Variants in DHRS3 observed in about 807,000 individuals in gnomAD.
DHRS3 encodes short-chain dehydrogenase/reductase 3.
A neutral mutation model predicts 27.2 loss-of-function variants in DHRS3; 14 were observed. That is an observed-to-expected ratio of 0.52 (90% CI 0.34 to 0.81). The LOEUF (loss-of-function observed/expected upper bound fraction) is 0.81. DHRS3 is among the 30% of genes least tolerant of loss of function. The probability of loss-of-function intolerance (pLI) is 0.01; values close to 1 mark genes in which losing one functional copy is unlikely to be tolerated. For synonymous variants in DHRS3, 165 were observed against 175.9 expected (o/e 0.94, Z 0.49); for missense variants, 322 against 406.2 (o/e 0.79, Z 1.78).
At chr1:12,579,499 G>A in intron 2 of DHRS3, 87 bp from the exon 3 acceptor site, 5 of 1,529,514 alleles carry the variant, frequency 3.3e-6, no homozygotes, top group Non-Finnish European at 4.4e-6. Context: ...TTTTTGAGAT[G>A]GAGTCTCACT....
Position 12,580,625 on chromosome 1 carries a change from C to T in DHRS3, c.237G>A (p.Thr79=), listed in dbSNP as rs149645583. The change falls in exon 2 of 6, where the codon ACG becomes ACA. Residue 79 remains threonine, a synonymous_variant. Transcript: ENST00000616661. ...TGCCCATCTGCCGGATCTCCTCCGTCGTCTCCTTCAGGCATTTCTCAGTCC... is the reference window on the plus strand; with the variant it reads ...TGCCCATCTGCCGGATCTCCTCCGTTGTCTCCTTCAGGCATTTCTCAGTCC... The part of the protein sequence containing the change: ...WGRTEKCLKE[T]TEEIRQMGTE... 5.3e-5 allele frequency: 86 copies of T among 1,614,008 alleles called. No individual in the cohort carries two copies. Among genetic ancestry groups the T allele is most frequent in the African/African-American group, 3.1e-4 (23 of 74,930 alleles).
chr1:12,605,984 C>A (rs1646867800), intron 1 of DHRS3, among the ~76,000 whole-genome samples: 1 of 151,726 alleles, frequency 6.6e-6, no homozygotes, highest in Non-Finnish European at 1.5e-5. Flanking sequence ...ACTAAAAATA[C>A]AAAAATTAGC....
At chr1:12,609,563 C>G (rs1397556914) in intron 1 of DHRS3, among the ~76,000 whole-genome samples, 3 of 152,210 alleles carry the variant, frequency 2.0e-5, no homozygotes, top group African/African-American at 7.2e-5. Flanking sequence ...GACAGCATTC[C>G]CTGAGCTCTG....
chr1:12,569,227 T>TCACACACACACACACACACACA (rs1557509296), intron 5 of DHRS3, among the ~76,000 whole-genome samples: 5 of 135,920 alleles, frequency 3.7e-5, no homozygotes, highest in African/African-American at 1.3e-4. Context: ...CCTCTCTCTC[T>TCACACACACACACACACACACA]CTCTCACACA....
chr1:12,615,033 C>G (rs899090128), intron 1 of DHRS3, among the ~76,000 whole-genome samples: 2 of 152,190 alleles, frequency 1.3e-5, no homozygotes, highest in African/African-American at 4.8e-5. Flanking sequence ...CCCAACCCCA[C>G]TAGGCCTCAA....
intron 3 of DHRS3, 83 bp from the exon 4 acceptor site, chr1:12,579,039 C>T (rs764697417): frequency 5.9e-6 from 8 of 1,356,326 alleles, no homozygotes; most frequent in Non-Finnish European, 8.1e-6. Flanking sequence ...ACAGCCCACC[C>T]CGGACACACA....
At chr1:12,598,515 A>C (rs1646814801) in intron 1 of DHRS3, among the ~76,000 whole-genome samples, 1 of 152,180 alleles carries the variant, frequency 6.6e-6, no homozygotes, top group Admixed American at 6.5e-5. Context: ...AAAATCCTAC[A>C]TTTATTTTTG....
intron 1 of DHRS3, among the ~76,000 whole-genome samples, chr1:12,613,454 CACCGAACAGAT>C (rs1646923504): frequency 2.0e-5 from 3 of 152,204 alleles, no homozygotes; most frequent in Admixed American, 6.5e-5. Context: ...CTGTGCCAAA[CACCGAACAGAT>C]ACCCCAGGTA....
chr1:12,617,120 GC>G, intron 1 of DHRS3, 33 bp downstream of exon 1: 3 of 1,588,496 alleles, frequency 1.9e-6, no homozygotes, highest in Non-Finnish European at 8.6e-7. Context: ...CGCCCCTGCG[GC>G]CCCCCACTCC....
intron 2 of DHRS3, 109 bp downstream of exon 2, chr1:12,580,414 C>T: frequency 6.6e-7 from 1 of 1,524,638 alleles, no homozygotes; most frequent in Admixed American, 1.8e-5. Context: ...CGGGCAAAGC[C>T]ATTCTGCCAT....
Position 12,576,452 on chromosome 1 carries a change from C to T in DHRS3, c.698+2266G>A, listed in dbSNP as rs531835421. Among the ~76,000 whole-genome samples the T allele has an allele frequency of 7.6e-4, 115 of 152,116 alleles. 1 individual carries two copies. The highest frequency in any genetic ancestry group is 2.6e-3 in the African/African-American group (110 of 41,512). ...TGGTGGGCACCTGTAGTCCCAGCTACTTGGGAGGCTGAGGCAGGAGAATGG... is the reference window on the plus strand; with the variant it reads ...TGGTGGGCACCTGTAGTCCCAGCTATTTGGGAGGCTGAGGCAGGAGAATGG... On this transcript the variant is annotated intron_variant, in intron 4 of 5. Transcript: ENST00000616661.
At chr1:12,580,787 C>T in intron 1 of DHRS3, 121 bp from the exon 2 acceptor site, 2 of 1,188,868 alleles carry the variant, frequency 1.7e-6, no homozygotes, top group Non-Finnish European at 2.4e-6. Flanking sequence ...TCCCTGGTTC[C>T]ACCCAAAGAT....
At chr1:12,583,843 T>A (rs1646669216) in intron 1 of DHRS3, among the ~76,000 whole-genome samples, 1 of 149,790 alleles carries the variant, frequency 6.7e-6, no homozygotes, top group East Asian at 2.0e-4. Flanking sequence ...AACCATCCAC[T>A]CACCTACTCC....
At chr1:12,601,476 G>T (rs2100708880) in intron 1 of DHRS3, among the ~76,000 whole-genome samples, 1 of 152,248 alleles carries the variant, frequency 6.6e-6, no homozygotes, top group Middle Eastern at 3.4e-3. Context: ...AGTGAGGGGA[G>T]AGAGAAACTC....
rs941132202 is a variant in DHRS3 at position 12,584,964 on chromosome 1, T to C, written c.196-4298A>G. Among the ~76,000 whole-genome samples the C allele has an allele frequency of 2.6e-5, 4 of 151,982 alleles. No homozygotes were observed. In the South Asian group the frequency reaches 8.4e-4, roughly 32 times the overall value. On this transcript the variant is annotated intron_variant, in intron 1 of 5. Coordinates refer to ENST00000616661, the MANE Select transcript of DHRS3 (RefSeq NM_004753.7). ...GTCTGTCTCTCCGTGTGTCTGTGGGTGTCTCTCTGTATGAGTGTATGTGTC... is the reference window on the plus strand; with the variant it reads ...GTCTGTCTCTCCGTGTGTCTGTGGGCGTCTCTCTGTATGAGTGTATGTGTC...
rs1646950204 is a variant in DHRS3 at position 12,617,215 on chromosome 1, C to T, written c.134G>A (p.Gly45Asp). 1.2e-6 allele frequency: 2 copies of T among 1,613,380 alleles called. No homozygotes were observed. The highest frequency in any genetic ancestry group is 1.7e-5 in the Admixed American group (1 of 60,014). Residue 45 changes from glycine (G) to aspartate (D), a missense_variant, in exon 1 of 6, where the codon GGC becomes GAC. Coordinates refer to ENST00000616661, the MANE Select transcript of DHRS3 (RefSeq NM_004753.7). The stretch of plus-strand genomic sequence containing the variant: ...CTGACGCCCGATGCCTCTCCCGCCG[C>T]CGGTGATGAGGACGTTCTCCCGCGA... ...DLSRENVLIT[G>D]GGRGIGRQLA... is the part of the protein sequence containing the mutation.
chr1:12,581,167 T>C (rs1410760148), intron 1 of DHRS3, among the ~76,000 whole-genome samples: 6 of 152,212 alleles, frequency 3.9e-5, no homozygotes. Flanking sequence ...TACTTTTAAG[T>C]GAACCAGTAG....
At chr1:12,588,064 C>T (rs963481703) in intron 1 of DHRS3, among the ~76,000 whole-genome samples, 12 of 152,240 alleles carry the variant, frequency 7.9e-5, no homozygotes, top group Non-Finnish European at 1.8e-4. Context: ...TCTTAGAGGA[C>T]AGGGACTAAA....
rs372764283 is a variant in DHRS3 at position 12,579,280 on chromosome 1, G to T, written c.459+13C>A. On this transcript the variant is annotated intron_variant, in intron 3 of 5. Transcript: ENST00000616661. ...CACGCCCGGGGCTGGCTCTGGCCCCGGATAGCCCTTACCCAGAACTGGCCC... is the reference window on the plus strand; with the variant it reads ...CACGCCCGGGGCTGGCTCTGGCCCCTGATAGCCCTTACCCAGAACTGGCCC... 22 of 1,613,926 alleles carry T rather than the reference G, an allele frequency of 1.4e-5. No individual in the cohort carries two copies. The East Asian group carries it at 4.9e-4, about 36-fold the overall frequency.
Sources: gnomAD v4.1 joint callset for allele counts (sites outside exome capture counted in the v4.1 genomes callset) on GRCh38, gnomAD v4.1.1 for gene constraint, MANE v1.5 for transcripts, NCBI Gene and HGNC (gene_info 2026-07-23, HGNC 2026-07-21) for gene names.